Variants in CDK17 observed in about 807,000 individuals in gnomAD.
The protein encoded by CDK17 is cyclin dependent kinase 17.
Under a neutral mutation model 77.6 loss-of-function variants are expected in CDK17, and 24 were observed. That is an observed-to-expected ratio of 0.31 (90% CI 0.22 to 0.44). The LOEUF is 0.44. Ranked by LOEUF, CDK17 falls within the 20% of genes least tolerant of loss-of-function variation. The probability of loss-of-function intolerance (pLI) is 1.00; values close to 1 mark genes in which losing one functional copy is unlikely to be tolerated. For missense variants in CDK17, 429 were observed against 622.5 expected (o/e 0.69, Z 3.31); for synonymous variants, 203 against 210.4 (o/e 0.96, Z 0.30).
chr12:96,297,256 G>A lies in CDK17; in HGVS notation c.873+14C>T, dbSNP rs371447249. ...TAAACAAAATTTAAAAATTACACACGCAAGAAAACATACCTTTACGTTGTG... is the reference window on the plus strand; with the variant it reads ...TAAACAAAATTTAAAAATTACACACACAAGAAAACATACCTTTACGTTGTG... On this transcript the variant is annotated intron_variant, in intron 9 of 16. Coordinates refer to ENST00000261211, the MANE Select transcript of CDK17 (RefSeq NM_002595.5). 29 of 1,572,370 alleles carry A rather than the reference G, an allele frequency of 1.8e-5. No homozygotes were observed. The highest frequency in any genetic ancestry group is 3.4e-5 in the Admixed American group (2 of 58,838).
chr12:96,333,569 G>A (rs903998238), intron 2 of CDK17, among the ~76,000 whole-genome samples: 3 of 151,834 alleles, frequency 2.0e-5, no homozygotes, highest in African/African-American at 7.3e-5. Flanking sequence ...AGCTGCTCAG[G>A]AGGCTGAGGC....
chr12:96,303,103 G>C (rs1952529812), intron 5 of CDK17: 1 of 152,022 alleles, frequency 6.6e-6, no homozygotes, highest in Admixed American at 6.6e-5. Context: ...AACACAACAA[G>C]ATTAACAATA....
intron 10 of CDK17, among the ~76,000 whole-genome samples, chr12:96,291,915 G>A (rs1338925179): frequency 6.6e-6 from 1 of 151,942 alleles, no homozygotes; most frequent in East Asian, 1.9e-4. Context: ...TTTTGGGATT[G>A]GGAATAAAGA....
intron 13 of CDK17, chr12:96,285,721 A>C (rs1427425091): frequency 6.0e-6 from 1 of 165,778 alleles, no homozygotes; most frequent in Non-Finnish European, 1.3e-5. Flanking sequence ...TGTGTTATAG[A>C]GTCAAGATTT....
At chr12:96,314,958 T>C (rs1382498633) in intron 3 of CDK17, among the ~76,000 whole-genome samples, 2 of 152,184 alleles carry the variant, frequency 1.3e-5, no homozygotes, top group East Asian at 3.8e-4. Context: ...AGAACATTTT[T>C]TGGTGCATGT....
chr12:96,387,113 T>C lies in CDK17; in HGVS notation c.-30+12873A>G. 9.5e-6 allele frequency: 3 copies of C among 316,820 alleles called. No individual in the cohort carries two copies. The South Asian group carries it at 1.1e-4, about 12-fold the overall frequency. 19.6% of individuals were successfully genotyped at this position (316,820 alleles called of 1,614,324 possible). ...TCACGGTGACATCCACACCTGTGAC[T>C]GTTCCATAGACCTGTGTTCCACTTT... is the stretch of plus-strand genomic sequence containing the variant. On this transcript the variant is annotated intron_variant, in intron 1 of 16. Transcript: ENST00000261211.
chr12:96,387,050 T>C, intron 1 of CDK17: 1 of 338,096 alleles, frequency 3.0e-6, no homozygotes, highest in South Asian at 3.1e-5. Flanking sequence ...GTACAGGTTC[T>C]CTGTCTTCAG....
intron 3 of CDK17, among the ~76,000 whole-genome samples, chr12:96,314,418 C>T (rs1952681234): frequency 6.6e-6 from 1 of 152,062 alleles, no homozygotes; most frequent in African/African-American, 2.4e-5. Context: ...GTTGTTCAGG[C>T]TCATCTTGAA....
chr12:96,327,678 T>C (rs1359487522), intron 2 of CDK17, among the ~76,000 whole-genome samples: 1 of 151,964 alleles, frequency 6.6e-6, no homozygotes, highest in Non-Finnish European at 1.5e-5. Flanking sequence ...CTCCCCACCA[T>C]AGCTGGGACT....
intron 1 of CDK17, among the ~76,000 whole-genome samples, chr12:96,340,363 A>G (rs1953105826): frequency 6.6e-6 from 1 of 152,138 alleles, no homozygotes; most frequent in Admixed American, 6.6e-5. Flanking sequence ...TAATTCATAA[A>G]AGCAAGAGAA....
intron 1 of CDK17, among the ~76,000 whole-genome samples, chr12:96,359,761 A>G (rs1004323235): frequency 2.6e-5 from 4 of 152,266 alleles, no homozygotes; most frequent in African/African-American, 9.6e-5. Context: ...GATTTATACT[A>G]TAAAACTCAA....
chr12:96,281,562 T>G (rs1009869163), intron 15 of CDK17, among the ~76,000 whole-genome samples: 1 of 152,138 alleles, frequency 6.6e-6, no homozygotes, highest in Non-Finnish European at 1.5e-5. Context: ...AGAGACGGGG[T>G]TTCCCCATGT....
chr12:96,347,978 T>C lies in CDK17; in HGVS notation c.-29-13113A>G, dbSNP rs182804104. On this transcript the variant is annotated intron_variant, in intron 1 of 16. Coordinates refer to ENST00000261211, the MANE Select transcript of CDK17 (RefSeq NM_002595.5). Reference sequence around the variant, plus strand: ...TGATCAAAGAAGAAACCACAAGAGATATAAAAAAGACCCTCATGCAAATGA... The same window carrying C: ...TGATCAAAGAAGAAACCACAAGAGACATAAAAAAGACCCTCATGCAAATGA... 5.9e-5 allele frequency among the ~76,000 whole-genome samples: 9 copies of C among 151,880 alleles called. 1 individual carries two copies. Among genetic ancestry groups the C allele is most frequent in the Admixed American group, 2.6e-4 (4 of 15,262 alleles).
chr12:96,387,864 G>T (rs1259197537), intron 1 of CDK17, among the ~76,000 whole-genome samples: 1 of 152,106 alleles, frequency 6.6e-6, no homozygotes, highest in East Asian at 1.9e-4. Context: ...GATTGCTTGA[G>T]CCCAGTAGGT....
intron 1 of CDK17, among the ~76,000 whole-genome samples, chr12:96,343,139 T>C (rs1194033115): frequency 6.6e-6 from 1 of 152,150 alleles, no homozygotes; most frequent in Non-Finnish European, 1.5e-5. Context: ...AGGTGTAAAA[T>C]GTCAGAGAAG....
At chr12:96,294,781 T>C (rs1230669611) in intron 10 of CDK17, among the ~76,000 whole-genome samples, 3 of 152,038 alleles carry the variant, frequency 2.0e-5, no homozygotes, top group Non-Finnish European at 2.9e-5. Flanking sequence ...CTAGGGGTCT[T>C]TGTCCACACC....
chr12:96,395,459 A>G (rs1954153426), intron 1 of CDK17, among the ~76,000 whole-genome samples: 1 of 152,190 alleles, frequency 6.6e-6, no homozygotes, highest in South Asian at 2.1e-4. Flanking sequence ...CGGTCCCTGG[A>G]AACAATGACT....
intron 2 of CDK17, among the ~76,000 whole-genome samples, chr12:96,325,831 A>T (rs976941678): frequency 6.6e-6 from 1 of 152,184 alleles, no homozygotes; most frequent in African/African-American, 2.4e-5. Context: ...ATAATTACAA[A>T]CAATGTGGGA....
intron 5 of CDK17, among the ~76,000 whole-genome samples, chr12:96,310,563 G>A (rs1326609984): frequency 6.6e-6 from 1 of 151,952 alleles, no homozygotes; most frequent in African/African-American, 2.4e-5. Context: ...TACAGTTGAG[G>A]AAGTGAGGAA....
Sources: gnomAD v4.1 joint callset for allele counts (sites outside exome capture counted in the v4.1 genomes callset) on GRCh38, gnomAD v4.1.1 for gene constraint, MANE v1.5 for transcripts, NCBI Gene and HGNC (gene_info 2026-07-23, HGNC 2026-07-21) for gene names.